DNAI3: variants seen among roughly 807,000 people sequenced by gnomAD.
DNAI3 encodes the protein dynein axonemal intermediate chain 3.
DNAI3 carries 83 observed loss-of-function variants against 115.5 expected under a neutral mutation model. The ratio of observed to expected loss-of-function variants is 0.72; its 90% CI spans 0.60 to 0.86. The LOEUF is 0.86. DNAI3 is among the 40% of genes least tolerant of loss of function. DNAI3 has a pLI of 0.00. For synonymous variants in DNAI3, 320 were observed against 347.0 expected (o/e 0.92, Z 0.86); for missense variants, 1,004 against 1,075.8 (o/e 0.93, Z 0.93).
intron 3 of DNAI3, among the ~76,000 whole-genome samples, chr1:85,076,706 C>T (rs1188496116): frequency 3.3e-5 from 5 of 152,064 alleles, no homozygotes; most frequent in Non-Finnish European, 5.9e-5. Flanking sequence ...AAGACCTGCC[C>T]CCATGATTCA....
At chr1:85,117,324 G>A (rs1382566316) in intron 16 of DNAI3, among the ~76,000 whole-genome samples, 3 of 151,920 alleles carry the variant, frequency 2.0e-5, no homozygotes, top group African/African-American at 2.4e-5. Flanking sequence ...GATGATTTTC[G>A]TTCTTTTACT....
At position 85,108,068 on chromosome 1, in the gene DNAI3, C is replaced by G. The variant is rs752531702; in HGVS notation, c.1589C>G (p.Pro530Arg). Reference protein sequence around the residue: ...ICFWDIRPQKPLTPQTTEKKK... With the variant: ...ICFWDIRPQKRLTPQTTEKKK... ...TTTTGGGATATTAGACCACAGAAACCTTTAACCCCCCAAACAACAGAGAAA... is the reference window on the plus strand; with the variant it reads ...TTTTGGGATATTAGACCACAGAAACGTTTAACCCCCCAAACAACAGAGAAA... The change falls in exon 15 of 23, where the codon CCT becomes CGT. Residue 530 changes from proline (P) to arginine (R), a missense_variant. Physicochemically the swap from Pro to Arg is moderately radical, Grantham distance 103. Coordinates refer to ENST00000294664, the MANE Select transcript of DNAI3 (RefSeq NM_145172.5). The G allele has an allele frequency of 1.5e-5, 24 of 1,606,932 alleles. No homozygotes were observed. Among genetic ancestry groups the G allele is most frequent in the Non-Finnish European group, 2.0e-5 (23 of 1,177,244 alleles).
intron 22 of DNAI3, among the ~76,000 whole-genome samples, chr1:85,132,339 G>A (rs1656352881): frequency 1.3e-5 from 2 of 152,236 alleles, no homozygotes; most frequent in African/African-American, 4.8e-5. Context: ...GGAAAATCAT[G>A]CACCTGTCTC....
At chr1:85,104,647 T>G (rs765063592) in intron 14 of DNAI3, 50 bp downstream of exon 14, 1 of 1,486,056 alleles carries the variant, frequency 6.7e-7, no homozygotes, top group Non-Finnish European at 9.4e-7. Context: ...CATGGTGTTT[T>G]TTCTTCGATG....
intron 15 of DNAI3, among the ~76,000 whole-genome samples, chr1:85,109,064 A>G (rs1011970927): frequency 4.6e-5 from 7 of 152,208 alleles, no homozygotes; most frequent in African/African-American, 1.4e-4. Context: ...ATATTAGACC[A>G]CGGAAAGCTT....
intron 10 of DNAI3, among the ~76,000 whole-genome samples, chr1:85,094,761 C>G (rs1335322823): frequency 1.3e-5 from 2 of 152,108 alleles, no homozygotes. Flanking sequence ...AATCAACATG[C>G]TATTTTTTTC....
chr1:85,067,336 G>A (rs1016436350), intron 1 of DNAI3, among the ~76,000 whole-genome samples: 1 of 152,182 alleles, frequency 6.6e-6, no homozygotes, highest in African/African-American at 2.4e-5. Flanking sequence ...TAGTAAATGA[G>A]CTGTTCAGGT....
At chr1:85,068,843 T>C (rs1654177614) in intron 1 of DNAI3, among the ~76,000 whole-genome samples, 1 of 152,216 alleles carries the variant, frequency 6.6e-6, no homozygotes, top group East Asian at 1.9e-4. Flanking sequence ...GCCAATAGAA[T>C]GTGAACAGGA....
In DNAI3 at chr1:85,124,323, T is replaced by C. The variant is rs1186038039; in HGVS notation, c.2112+72T>C. Reference sequence around the variant, plus strand: ...TTCAGAAAGACAAGAGGAACTGTTATGTTCTGACATAATAGTGCCTTTGGG... The same window carrying C: ...TTCAGAAAGACAAGAGGAACTGTTACGTTCTGACATAATAGTGCCTTTGGG... On this transcript the variant is annotated intron_variant, in intron 19 of 22. Coordinates refer to ENST00000294664, the MANE Select transcript of DNAI3 (RefSeq NM_145172.5). 9 of 1,608,986 alleles carry C rather than the reference T, an allele frequency of 5.6e-6. No homozygotes were observed. In the Admixed American group the frequency reaches 6.7e-5, roughly 12 times the overall value.
At chr1:85,073,368 C>A (rs1654346492) in intron 3 of DNAI3, among the ~76,000 whole-genome samples, 1 of 152,086 alleles carries the variant, frequency 6.6e-6, no homozygotes, top group Non-Finnish European at 1.5e-5. Context: ...GTGTTATAAG[C>A]CTGCAACTTA....
chr1:85,068,069 G>T (rs1654152484), intron 1 of DNAI3, among the ~76,000 whole-genome samples: 1 of 151,888 alleles, frequency 6.6e-6, no homozygotes, highest in African/African-American at 2.4e-5. Context: ...GTTTAGACTG[G>T]AAATTCATAG....
chr1:85,093,689 T>C (rs773394899), intron 9 of DNAI3, 41 bp downstream of exon 9: 2 of 1,610,398 alleles, frequency 1.2e-6, no homozygotes, highest in Non-Finnish European at 1.7e-6. Context: ...GTGATAACAT[T>C]GAAATTGTCT....
chr1:85,118,283 C>T (rs961246252), intron 17 of DNAI3, among the ~76,000 whole-genome samples: 3 of 152,096 alleles, frequency 2.0e-5, no homozygotes, highest in African/African-American at 4.8e-5. Context: ...TAATGGCTGC[C>T]ATTTTCTAAG....
intron 18 of DNAI3, among the ~76,000 whole-genome samples, chr1:85,123,314 A>T (rs200212988): frequency 5.7e-5 from 8 of 141,276 alleles, no homozygotes; most frequent in African/African-American, 2.6e-4. Flanking sequence ...TCTCACTTGG[A>T]GACCTAAAGG....
chr1:85,132,784 C>A, intron 22 of DNAI3, 71 bp from the exon 23 acceptor site: 1 of 1,562,672 alleles, frequency 6.4e-7, no homozygotes, highest in Non-Finnish European at 8.7e-7. Context: ...CACAAACAGC[C>A]CCTTCTCATC....
chr1:85,131,205 G>A (rs1478273592), intron 22 of DNAI3, among the ~76,000 whole-genome samples: 1 of 152,084 alleles, frequency 6.6e-6, no homozygotes, highest in African/African-American at 2.4e-5. Context: ...CCAGCACTTT[G>A]AGAGGCTGAG....
intron 14 of DNAI3, among the ~76,000 whole-genome samples, chr1:85,104,873 A>G (rs1418109574): frequency 2.0e-5 from 3 of 152,210 alleles, no homozygotes; most frequent in African/African-American, 7.2e-5. Flanking sequence ...TAAATTTGTA[A>G]TATATGTTAT....
At position 85,124,256 on chromosome 1, in the gene DNAI3, GT is replaced by G. The variant is rs11356964; in HGVS notation, c.2112+7del. 0.71 allele frequency: 1,151,876 copies of G among 1,613,766 alleles called. 413,580 individuals are homozygous for G. The highest frequency in any genetic ancestry group is 0.84 in the South Asian group (76,306 of 91,082). ...ATATGGAAAGAAGGTGTTATGGTAA[GT>G]TGCCTGCAAAATGGAAGCATGAGTG... On this transcript the variant is annotated splice_donor_region_variant and intron_variant, in intron 19 of 22. Coordinates refer to ENST00000294664, the MANE Select transcript of DNAI3 (RefSeq NM_145172.5).
chr1:85,097,538 A>G, intron 11 of DNAI3, 31 bp from the exon 12 acceptor site: 2 of 1,567,498 alleles, frequency 1.3e-6, no homozygotes, highest in Non-Finnish European at 1.7e-6. Flanking sequence ...ATTTTCTGAA[A>G]AGGTTATGAT....
Sources: allele counts gnomAD v4.1 joint callset (sites outside exome capture counted in the v4.1 genomes callset), GRCh38; gene constraint gnomAD v4.1.1; transcripts MANE v1.5; gene names NCBI Gene and HGNC (gene_info 2026-07-23, HGNC 2026-07-21).